Variants in CNTN5 observed in about 807,000 individuals in gnomAD.
CNTN5 encodes the protein contactin 5, also known as contactin-5.
A neutral mutation model predicts 129.1 loss-of-function variants in CNTN5; 77 were observed. The observed-to-expected ratio is 0.60, with a 90% CI of 0.50 to 0.72. The LOEUF is 0.72. CNTN5 is among the 30% of genes least tolerant of loss of function. CNTN5 has a pLI of 0.00. For synonymous variants in CNTN5, 509 were observed against 465.6 expected, an observed-to-expected ratio of 1.09 and a Z score of -1.20; for missense variants, 1,478 against 1,328.8, an observed-to-expected ratio of 1.11 and a Z score of -1.75.
intron 21 of CNTN5, among the ~76,000 whole-genome samples, chr11:100,324,094 T>C (rs146720350): frequency 4.7e-4 from 72 of 152,298 alleles, no homozygotes; most frequent in Non-Finnish European, 8.8e-4. Context: ...AAAACGAATA[T>C]AGATAAAGTG....
Position 99,844,959 on chromosome 11 carries a change from C to T in CNTN5, c.385C>T (p.Pro129Ser), listed in dbSNP as rs201512506. Residue 129 changes from proline (P) to serine (S), a missense_variant, in exon 5 of 25, where the codon CCA (proline) becomes TCA (serine). Pro to Ser is a moderately conservative substitution (Grantham distance 74). Transcript: ENST00000524871. ...VALNCEVRGNPVPSYRWLRNG... is the reference protein window; with the variant it reads ...VALNCEVRGNSVPSYRWLRNG... ...ATTGAATTGTGAAGTTCGTGGCAATCCAGTTCCCAGTTACAGGTAGGAATT... is the reference window on the plus strand; with the variant it reads ...ATTGAATTGTGAAGTTCGTGGCAATTCAGTTCCCAGTTACAGGTAGGAATT... The T allele has an allele frequency of 5.6e-5, 90 of 1,613,094 alleles. 1 individual carries two copies. The South Asian group carries it at 9.1e-4, about 16-fold the overall frequency.
chr11:99,822,593 G>C (rs1413718205), intron 4 of CNTN5, among the ~76,000 whole-genome samples: 2 of 152,166 alleles, frequency 1.3e-5, no homozygotes, highest in African/African-American at 4.8e-5. Context: ...GTTGACTGCA[G>C]TGCTTACCAC....
chr11:99,309,889 T>G (rs541253762), intron 1 of CNTN5, among the ~76,000 whole-genome samples: 14 of 152,220 alleles, frequency 9.2e-5, no homozygotes, highest in African/African-American at 3.4e-4. Flanking sequence ...ACAAAAGAGA[T>G]TATAGAATAT....
intron 15 of CNTN5, among the ~76,000 whole-genome samples, chr11:100,215,020 C>G (rs936880597): frequency 6.6e-6 from 1 of 152,162 alleles, no homozygotes; most frequent in Non-Finnish European, 1.5e-5. Context: ...TTCCCGAGAT[C>G]TTCTCCATGT....
At chr11:99,679,047 TTTATATATAC>T (rs1953432475) in intron 3 of CNTN5, among the ~76,000 whole-genome samples, 1 of 147,520 alleles carries the variant, frequency 6.8e-6, no homozygotes, top group Non-Finnish European at 1.5e-5. Flanking sequence ...ATATATGCAT[TTTATATATAC>T]TTATATATGT....
At position 100,207,071 on chromosome 11, in the gene CNTN5, G is replaced by A. The variant is rs1203536878; in HGVS notation, c.1884+13408G>A. ...CCTGTAATGTGTACAGCATTAACCA[G>A]AGTATGGTTGAATAAGACCAGGCCA... On this transcript the variant is annotated intron_variant, in intron 15 of 24. Transcript: ENST00000524871. 2.0e-5 allele frequency among the ~76,000 whole-genome samples: 3 copies of A among 152,072 alleles called. No homozygotes were observed. The East Asian group carries it at 5.8e-4, about 29-fold the overall frequency.
In CNTN5 at chr11:99,763,766, A is replaced by G. The variant is rs1944662629; in HGVS notation, c.56-55778A>G. ...GAAAAAGAAGATTTTTAGTCTTGTG[A>G]TCTGCATTTTAAAAATTGGTTTATA... On this transcript the variant is annotated intron_variant, in intron 3 of 24. Coordinates refer to ENST00000524871, the MANE Select transcript of CNTN5 (RefSeq NM_014361.4). Among the ~76,000 whole-genome samples, 4 of 152,232 alleles carry G rather than the reference A, an allele frequency of 2.6e-5. No homozygotes were observed. The South Asian group carries it at 8.3e-4, about 31-fold the overall frequency.
intron 4 of CNTN5, among the ~76,000 whole-genome samples, chr11:99,820,729 T>C (rs1946775797): frequency 6.6e-6 from 1 of 152,242 alleles, no homozygotes; most frequent in Admixed American, 6.5e-5. Flanking sequence ...TAAGTATTTT[T>C]CACAAGGTCA....
intron 3 of CNTN5, among the ~76,000 whole-genome samples, chr11:99,611,035 G>C (rs528231947): frequency 6.6e-6 from 1 of 152,244 alleles, no homozygotes; most frequent in South Asian, 2.1e-4. Context: ...CAAGGTGCTG[G>C]TGAATGATCA....
intron 1 of CNTN5, among the ~76,000 whole-genome samples, chr11:99,229,695 A>C (rs1269023751): frequency 6.6e-6 from 1 of 152,090 alleles, no homozygotes; most frequent in African/African-American, 2.4e-5. Flanking sequence ...CTTCCCCCAG[A>C]GGCACCTTGA....
At chr11:99,956,551 C>T (rs1349449438) in intron 7 of CNTN5, among the ~76,000 whole-genome samples, 1 of 152,090 alleles carries the variant, frequency 6.6e-6, no homozygotes, top group Non-Finnish European at 1.5e-5. Context: ...GTACCTAAAA[C>T]ATGTTCAGTA....
chr11:99,868,175 C>G (rs76394638), intron 6 of CNTN5, among the ~76,000 whole-genome samples: 2 of 151,388 alleles, frequency 1.3e-5, no homozygotes, highest in Non-Finnish European at 2.9e-5. Context: ...GAGAACGTGC[C>G]GCTGCACTCC....
rs190958755 is a variant in CNTN5, at chr11:100,331,778, T to C, written c.2731-8685T>C. ...TCAAGATGGAAATTTAAAAATTCTTTGAACTAAATGATAGTAGTGACACAA... is the reference window on the plus strand; with the variant it reads ...TCAAGATGGAAATTTAAAAATTCTTCGAACTAAATGATAGTAGTGACACAA... On this transcript the variant is annotated intron_variant, in intron 21 of 24. Transcript: ENST00000524871. Among the ~76,000 whole-genome samples the C allele has an allele frequency of 2.7e-3, 406 of 152,226 alleles. 3 individuals are homozygous for C. The highest frequency in any genetic ancestry group is 9.1e-3 in the African/African-American group (380 of 41,546).
chr11:99,169,714 C>T (rs1306228475), intron 1 of CNTN5, among the ~76,000 whole-genome samples: 3 of 152,098 alleles, frequency 2.0e-5, no homozygotes, highest in African/African-American at 7.2e-5. Context: ...AAAGGGTTTA[C>T]ATGCAAATGA....
chr11:99,982,890 C>T (rs1400843685), intron 8 of CNTN5, among the ~76,000 whole-genome samples: 1 of 152,100 alleles, frequency 6.6e-6, no homozygotes, highest in Non-Finnish European at 1.5e-5. Context: ...ATCCGCCCAC[C>T]TCGGCCTCCC....
At chr11:99,606,759 A>G (rs1281750633) in intron 3 of CNTN5, among the ~76,000 whole-genome samples, 7 of 143,768 alleles carry the variant, frequency 4.9e-5, no homozygotes. Flanking sequence ...GATATAGATC[A>G]ATGGAACAGA....
In CNTN5 at chr11:99,832,795, A is replaced by G. The variant is rs576782110; in HGVS notation, c.278-12057A>G. On this transcript the variant is annotated intron_variant, in intron 4 of 24. Coordinates refer to ENST00000524871, the MANE Select transcript of CNTN5 (RefSeq NM_014361.4). Reference sequence around the variant, plus strand: ...GGCATTTCTTAAAATTTTATTGGGCATGATAGGCTGCTATTTCCTTTATAT... The same window carrying G: ...GGCATTTCTTAAAATTTTATTGGGCGTGATAGGCTGCTATTTCCTTTATAT... Among the ~76,000 whole-genome samples the G allele has an allele frequency of 9.8e-4, 149 of 152,326 alleles. 1 individual carries two copies. The highest frequency in any genetic ancestry group is 3.5e-3 in the African/African-American group (144 of 41,588).
At chr11:99,125,614 G>T (rs1858587323) in intron 1 of CNTN5, among the ~76,000 whole-genome samples, 1 of 151,970 alleles carries the variant, frequency 6.6e-6, no homozygotes, top group Non-Finnish European at 1.5e-5. Flanking sequence ...GAGAAATTAG[G>T]CAAGAGAAAG....
chr11:100,249,149 T>A (rs187281136), intron 16 of CNTN5, among the ~76,000 whole-genome samples: 9 of 152,302 alleles, frequency 5.9e-5, no homozygotes, highest in Non-Finnish European at 1.3e-4. Flanking sequence ...AAATTGTAGG[T>A]CTTTATTTCA....
Sources: gnomAD v4.1 joint callset for allele counts (sites outside exome capture counted in the v4.1 genomes callset) on GRCh38, gnomAD v4.1.1 for gene constraint, MANE v1.5 for transcripts, NCBI Gene and HGNC (gene_info 2026-07-23, HGNC 2026-07-21) for gene names.